The following PIK3C2G variants were observed in gnomAD, a reference collection of about 807,000 sequenced individuals.
The protein encoded by PIK3C2G is phosphatidylinositol 3-kinase C2 domain-containing subunit gamma.
A neutral mutation model predicts 181.1 loss-of-function variants in PIK3C2G; 168 were observed. The observed-to-expected ratio is 0.93, with a 90% CI of 0.82 to 1.05. The LOEUF is 1.05. Ranked by LOEUF, PIK3C2G falls within the 50% of genes least tolerant of loss-of-function variation. The probability of loss-of-function intolerance (pLI) is 0.00; values close to 1 mark genes in which losing one functional copy is unlikely to be tolerated. For synonymous variants in PIK3C2G, 573 were observed against 592.2 expected, an observed-to-expected ratio of 0.97 and a Z score of 0.47; for missense variants, 1,869 against 1,732.8, an observed-to-expected ratio of 1.08 and a Z score of -1.40.
At chr12:18,590,847 G>T (rs1024098515) in intron 29 of PIK3C2G, among the ~76,000 whole-genome samples, 1 of 151,864 alleles carries the variant, frequency 6.6e-6, no homozygotes, top group African/African-American at 2.4e-5. Flanking sequence ...TAAGAAGTTA[G>T]TATTTAGTCA....
At chr12:18,321,645 G>A (rs1461982276) in intron 7 of PIK3C2G, among the ~76,000 whole-genome samples, 1 of 152,102 alleles carries the variant, frequency 6.6e-6, no homozygotes, top group African/African-American at 2.4e-5. Context: ...AATCTCTAAA[G>A]TAAAGGCTGA....
intron 24 of PIK3C2G, among the ~76,000 whole-genome samples, chr12:18,521,957 C>T (rs1052302740): frequency 8.5e-5 from 13 of 152,178 alleles, no homozygotes; most frequent in East Asian, 1.9e-4. Context: ...CAGGGTAGCA[C>T]GCTCACTTAC....
At chr12:18,505,247 C>A in intron 23 of PIK3C2G, 45 bp from the exon 24 acceptor site, 1 of 1,488,234 alleles carries the variant, frequency 6.7e-7, no homozygotes, top group South Asian at 1.3e-5. Context: ...TGCATTTGCT[C>A]ATTTTTTGTT....
chr12:18,705,401 A>C, the PIK3C2G span: 1 of 1,512,804 alleles, frequency 6.6e-7, no homozygotes, highest in African/African-American at 1.4e-5. Flanking sequence ...ATGTATTTTA[A>C]AACTTACTTC....
intron 5 of PIK3C2G, among the ~76,000 whole-genome samples, chr12:18,309,173 G>A (rs1950541291): frequency 6.6e-6 from 1 of 151,760 alleles, no homozygotes; most frequent in Non-Finnish European, 1.5e-5. Context: ...GCTATTTAGA[G>A]TCCATTGGTC....
intron 31 of PIK3C2G, among the ~76,000 whole-genome samples, chr12:18,614,183 AT>A (rs1015322543): frequency 1.3e-5 from 2 of 152,066 alleles, no homozygotes; most frequent in African/African-American, 4.8e-5. Flanking sequence ...CATTCCGTGA[AT>A]GAAAATTGTT....
At chr12:18,319,685 G>C (rs1054451413) in intron 6 of PIK3C2G, among the ~76,000 whole-genome samples, 3 of 151,956 alleles carry the variant, frequency 2.0e-5, no homozygotes, top group African/African-American at 7.3e-5. Flanking sequence ...TTCTTGCTTT[G>C]GTTTTAACTT....
At chr12:18,673,944 T>C in the PIK3C2G span, among the ~76,000 whole-genome samples, 3 of 152,174 alleles carry the variant, frequency 2.0e-5, no homozygotes, top group Admixed American at 6.5e-5. Flanking sequence ...ACTAGCAAGA[T>C]GGAAGTCACA....
At chr12:18,245,980 T>G (rs1948035627), upstream of PIK3C2G, among the ~76,000 whole-genome samples, 1 of 152,182 alleles carries the variant, frequency 6.6e-6, no homozygotes, top group Non-Finnish European at 1.5e-5. Flanking sequence ...TTTTAAAATT[T>G]TTGGTAGCTT....
the PIK3C2G span, among the ~76,000 whole-genome samples, chr12:18,674,471 CTA>C: frequency 6.6e-6 from 1 of 152,166 alleles, no homozygotes; most frequent in African/African-American, 2.4e-5. Context: ...TTTTCTCACT[CTA>C]TGAATTTTTT....
intron 5 of PIK3C2G, among the ~76,000 whole-genome samples, chr12:18,301,881 A>G (rs1950191398): frequency 6.6e-6 from 1 of 152,192 alleles, no homozygotes; most frequent in Non-Finnish European, 1.5e-5. Context: ...ACTTTTTCCT[A>G]CAGATACATC....
intron 1 of PIK3C2G, among the ~76,000 whole-genome samples, chr12:18,253,851 ATT>A (rs34003056): frequency 6.9e-6 from 1 of 145,740 alleles, no homozygotes; most frequent in Admixed American, 6.8e-5. Context: ...GGCTTCAATT[ATT>A]TTTTTTTTTT....
the PIK3C2G span, among the ~76,000 whole-genome samples, chr12:18,711,894 T>G: frequency 1.3e-5 from 2 of 152,134 alleles, no homozygotes; most frequent in Non-Finnish European, 1.5e-5. Flanking sequence ...ATACTCTCAA[T>G]GTTTTTATAT....
chr12:18,591,824 G>A (rs776384493), intron 29 of PIK3C2G, among the ~76,000 whole-genome samples: 20 of 151,852 alleles, frequency 1.3e-4, no homozygotes, highest in Admixed American at 4.6e-4. Context: ...AAGTATAAAG[G>A]GCCCAAGATA....
At chr12:18,341,970 T>C (rs1472943646) in intron 9 of PIK3C2G, among the ~76,000 whole-genome samples, 1 of 152,136 alleles carries the variant, frequency 6.6e-6, no homozygotes, top group African/African-American at 2.4e-5. Context: ...TTTTATTCTC[T>C]GACCCAGCAC....
the PIK3C2G span, among the ~76,000 whole-genome samples, chr12:18,677,502 G>T: frequency 2.6e-5 from 4 of 152,056 alleles, no homozygotes; most frequent in Non-Finnish European, 2.9e-5. Flanking sequence ...AGTTCAGGAG[G>T]TCTAGGGTGA....
At chr12:18,637,033 G>A (rs1052092110) in intron 31 of PIK3C2G, among the ~76,000 whole-genome samples, 4 of 152,118 alleles carry the variant, frequency 2.6e-5, no homozygotes, top group Non-Finnish European at 5.9e-5. Context: ...ACAGACATGA[G>A]CTCAAATTCT....
chr12:18,491,879 C>G (rs1480070828), intron 20 of PIK3C2G, among the ~76,000 whole-genome samples: 1 of 151,862 alleles, frequency 6.6e-6, no homozygotes. Context: ...ATTTGGTGAC[C>G]CCATGCAGGC....
chr12:18,561,240 T>C (rs1392049395), intron 26 of PIK3C2G, among the ~76,000 whole-genome samples: 1 of 152,226 alleles, frequency 6.6e-6, no homozygotes, highest in African/African-American at 2.4e-5. Flanking sequence ...GTGTTTAGTA[T>C]ACATACTATA....
Sources: allele counts gnomAD v4.1 joint callset (sites outside exome capture counted in the v4.1 genomes callset), GRCh38; gene constraint gnomAD v4.1.1; transcripts MANE v1.5; gene names NCBI Gene and HGNC (gene_info 2026-07-23, HGNC 2026-07-21).